SGCD: variants seen among roughly 807,000 people sequenced by gnomAD.
The protein encoded by SGCD is sarcoglycan delta, also known as delta-sarcoglycan.
In SGCD, 18 loss-of-function variants were observed where a neutral mutation model predicts 36.6. The observed-to-expected ratio is 0.49, with a 90% CI of 0.34 to 0.73. The LOEUF is 0.73. Ranked by LOEUF, SGCD falls within the 30% of genes least tolerant of loss-of-function variation. The pLI is 0.01. For synonymous variants in SGCD, 133 were observed against 130.6 expected (o/e 1.02, Z -0.12); for missense variants, 387 against 346.7 (o/e 1.12, Z -0.92).
intron 1 of SGCD, among the ~76,000 whole-genome samples, chr5:155,897,477 T>C (rs1326449968): frequency 1.3e-5 from 2 of 152,194 alleles, no homozygotes; most frequent in Non-Finnish European, 2.9e-5. Flanking sequence ...TTTTAAAACA[T>C]ACATATTTAT....
chr5:156,487,813 A>AAAAAAAAAAAAAGAAAG (rs1554107842), intron 3 of SGCD, among the ~76,000 whole-genome samples: 3 of 77,798 alleles, frequency 3.9e-5, no homozygotes, highest in Non-Finnish European at 7.5e-5. Flanking sequence ...AAAAAAAAAA[A>AAAAAAAAAAAAAGAAAG]AAAGAAAGAA....
At chr5:156,033,640 AAGCC>A (rs1759414992) in intron 1 of SGCD, among the ~76,000 whole-genome samples, 1 of 152,212 alleles carries the variant, frequency 6.6e-6, no homozygotes, top group Admixed American at 6.5e-5. Context: ...ATGGAGGTGA[AAGCC>A]AAGGCCCAGG....
chr5:156,628,245 G>A (rs1357794662), intron 6 of SGCD, among the ~76,000 whole-genome samples: 1 of 152,130 alleles, frequency 6.6e-6, no homozygotes, highest in Non-Finnish European at 1.5e-5. Context: ...CCATGATCCA[G>A]GCACCTTTCA....
rs1373944601 is a variant in SGCD, at chr5:156,763,901, A to G, written c.*4511A>G. The G allele has an allele frequency of 2.6e-5, 4 of 152,206 alleles. No individual in the cohort carries two copies. The highest frequency in any genetic ancestry group is 9.7e-5 in the African/African-American group (4 of 41,444). The allele number at this position is 152,206 out of a possible 1,614,324, so 9.4% of individuals were successfully genotyped here. ...AATAAACTGGCAGCAGCTAGATCAG[A>G]GTATCTTGCTTTATTTTATAAAGGC... On this transcript the variant is annotated 3_prime_UTR_variant, in exon 9 of 9. Coordinates refer to ENST00000337851, the MANE Select transcript of SGCD (RefSeq NM_000337.6).
chr5:156,112,664 C>G (rs1431039341), intron 1 of SGCD, among the ~76,000 whole-genome samples: 1 of 152,124 alleles, frequency 6.6e-6, no homozygotes, highest in Non-Finnish European at 1.5e-5. Context: ...TAATATTATG[C>G]CCCTTCTACA....
chr5:156,211,989 C>T (rs1210188888), intron 3 of SGCD, among the ~76,000 whole-genome samples: 3 of 151,464 alleles, frequency 2.0e-5, no homozygotes, highest in African/African-American at 7.3e-5. Flanking sequence ...ATTGGAACCG[C>T]AAAGCAAAAA....
intron 3 of SGCD, among the ~76,000 whole-genome samples, chr5:156,450,492 A>C (rs1334947485): frequency 6.6e-6 from 1 of 151,856 alleles, no homozygotes; most frequent in Non-Finnish European, 1.5e-5. Context: ...GCAAATGTAA[A>C]TAAACCAGAA....
the SGCD span, among the ~76,000 whole-genome samples, chr5:155,747,901 G>C: frequency 6.6e-6 from 1 of 152,054 alleles, no homozygotes; most frequent in African/African-American, 2.4e-5. Flanking sequence ...AAATTTAATA[G>C]CCTGACCATT....
rs1429698176 is a variant in SGCD, at chr5:156,766,683, T to G, written c.*7293T>G. ...TTGGTTTCTTTGGAATGCTTTCATC[T>G]TCTAAGCAAAGGGATCAGGGTTTGA... On this transcript the variant is annotated 3_prime_UTR_variant, in exon 9 of 9. Transcript: ENST00000337851. The G allele has an allele frequency of 6.6e-6, 1 of 151,234 alleles. No homozygotes were observed. Among genetic ancestry groups the G allele is most frequent in the African/African-American group, 2.4e-5 (1 of 40,996 alleles). 9.4% of individuals were successfully genotyped at this position (151,234 alleles called of 1,614,324 possible).
chr5:155,855,581 A>G, the SGCD span, among the ~76,000 whole-genome samples: 4 of 152,336 alleles, frequency 2.6e-5, no homozygotes, highest in Non-Finnish European at 5.9e-5. Flanking sequence ...AACCCATACT[A>G]GAGTTCCACA....
Position 156,589,267 on chromosome 5 carries a change from A to T in SGCD, c.331A>T (p.Thr111Ser), listed in dbSNP as rs755068992. The change falls in exon 5 of 9, where the codon ACA becomes TCA. Residue 111 changes from threonine (T) to serine (S), a missense_variant. Coordinates refer to ENST00000337851, the MANE Select transcript of SGCD (RefSeq NM_000337.6). Reference protein sequence around the residue: ...ALYFKSARNVTVNILNDQTKV... With the variant: ...ALYFKSARNVSVNILNDQTKV... ...GTACTTCAAGTCTGCCAGAAATGTTACAGTGAACATTCTCAATGACCAGAC... is the reference window on the plus strand; with the variant it reads ...GTACTTCAAGTCTGCCAGAAATGTTTCAGTGAACATTCTCAATGACCAGAC... The T allele has an allele frequency of 1.3e-6, 2 of 1,575,298 alleles. No homozygotes were observed. The highest frequency in any genetic ancestry group is 3.7e-5 in the Admixed American group (2 of 53,894).
the SGCD span, among the ~76,000 whole-genome samples, chr5:155,756,253 G>C: frequency 1.3e-5 from 2 of 152,228 alleles, no homozygotes; most frequent in Non-Finnish European, 2.9e-5. Flanking sequence ...GAACTATTCA[G>C]AGAAATGTAG....
intron 3 of SGCD, among the ~76,000 whole-genome samples, chr5:156,235,564 T>C (rs1278765435): frequency 2.0e-5 from 3 of 152,152 alleles, no homozygotes; most frequent in African/African-American, 7.2e-5. Context: ...GAGATAGAGT[T>C]GTTCTCTATT....
the SGCD span, among the ~76,000 whole-genome samples, chr5:155,853,372 G>A: frequency 6.7e-4 from 102 of 151,806 alleles, 1 homozygote; most frequent in South Asian, 4.6e-3. Context: ...TTCTTGATGG[G>A]TTTTGTAGAA....
the SGCD span, among the ~76,000 whole-genome samples, chr5:155,728,969 G>A: frequency 3.3e-5 from 5 of 152,216 alleles, no homozygotes; most frequent in Non-Finnish European, 5.9e-5. Context: ...GTGGCCCTGC[G>A]GGATAGCGTT....
chr5:155,994,373 G>T (rs191310683), intron 1 of SGCD, among the ~76,000 whole-genome samples: 15 of 152,250 alleles, frequency 9.9e-5, no homozygotes, highest in Admixed American at 4.6e-4. Flanking sequence ...AAATGCAAAT[G>T]TACACTATTA....
chr5:156,602,308 G>T (rs1019280353), intron 6 of SGCD, among the ~76,000 whole-genome samples: 3 of 151,020 alleles, frequency 2.0e-5, no homozygotes, highest in Admixed American at 6.6e-5. Flanking sequence ...TCCCACAACT[G>T]ATTAGAATTG....
At chr5:156,028,927 A>G (rs192809328) in intron 1 of SGCD, among the ~76,000 whole-genome samples, 92 of 152,324 alleles carry the variant, frequency 6.0e-4, no homozygotes, top group African/African-American at 2.0e-3. Flanking sequence ...CACAAACTGT[A>G]TCTGCTGCTT....
At chr5:155,940,882 A>AC (rs1757309676) in intron 1 of SGCD, among the ~76,000 whole-genome samples, 2 of 151,900 alleles carry the variant, frequency 1.3e-5, no homozygotes, top group Admixed American at 1.3e-4. Flanking sequence ...CAACAAAAAA[A>AC]ACATTAACTA....
Sources: allele counts gnomAD v4.1 joint callset (sites outside exome capture counted in the v4.1 genomes callset), GRCh38; gene constraint gnomAD v4.1.1; transcripts MANE v1.5; gene names NCBI Gene and HGNC (gene_info 2026-07-23, HGNC 2026-07-21).